Variants in SMN1 observed in about 807,000 individuals in gnomAD.
SMN1 encodes survival of motor neuron 1, telomeric, also known as survival motor neuron protein.
For synonymous variants in SMN1, 3 were observed against 5.1 expected (o/e 0.58, Z 0.56); for missense variants, 15 against 17.1 (o/e 0.88, Z 0.22).
chr5:70,955,212 C>A (rs1444462481), downstream of SMN1, among the ~76,000 whole-genome samples: 2 of 138,064 alleles, frequency 1.4e-5, no homozygotes, highest in African/African-American at 5.7e-5. Context: ...GAGACCCTGT[C>A]TCAAAAAAAA....
the SMN1 span, among the ~76,000 whole-genome samples, chr5:70,959,406 TAATAA>T: frequency 1.1e-3 from 159 of 143,574 alleles, 5 homozygotes; most frequent in South Asian, 0.017. Context: ...TAAAGTATAA[TAATAA>T]AATAAAATAA....
chr5:70,953,462 ATT>A (rs1277128598), downstream of SMN1: 4 of 39,568 alleles, frequency 1.0e-4, no homozygotes, highest in African/African-American at 2.2e-4. Flanking sequence ...CGGCCTCTCT[ATT>A]TATTTCTATA....
intron 7 of SMN1, 147 bp from the exon 8 acceptor site, chr5:70,951,794 C>G (rs575416424): frequency 3.2e-6 from 2 of 618,280 alleles, no homozygotes; most frequent in African/African-American, 3.7e-5. Flanking sequence ...AGACTATCAA[C>G]TTAATTTCTG....
downstream of SMN1, among the ~76,000 whole-genome samples, chr5:70,955,081 T>A (rs1749869688): frequency 2.1e-5 from 3 of 140,158 alleles, no homozygotes; most frequent in Non-Finnish European, 4.6e-5. Flanking sequence ...GGCATGGTGG[T>A]GCATGCCTGT....
chr5:70,957,595 T>G (rs989586380), downstream of SMN1, among the ~76,000 whole-genome samples: 9 of 143,570 alleles, frequency 6.3e-5, no homozygotes, highest in African/African-American at 2.3e-4. Context: ...TTGTCTTTGG[T>G]TCTGTTTATA....
At chr5:70,943,574 A>G (rs1749453525) in intron 5 of SMN1, among the ~76,000 whole-genome samples, 1 of 63,836 alleles carries the variant, frequency 1.6e-5, no homozygotes, top group African/African-American at 4.8e-5. Context: ...TACATCTAAT[A>G]TAGATAAAAT....
intron 1 of SMN1, among the ~76,000 whole-genome samples, chr5:70,927,812 T>C (rs1229069101): frequency 1.9e-3 from 3 of 1,542 alleles, no homozygotes. Flanking sequence ...ATACAAAAAT[T>C]AGCCGGGCAT....
Position 70,952,188 on chromosome 5 carries a change from C to A in SMN1, c.*3+194C>A, listed in dbSNP as rs1749785488. On this transcript the variant is annotated intron_variant, in intron 8 of 8. Transcript: ENST00000380707. ...GTTAATCTACATCCCTACTAGAATT[C>A]TCATACTTAACTGGTTGGTTATGTG... 8 of 1,486,530 alleles carry A rather than the reference C, an allele frequency of 5.4e-6. No individual in the cohort carries two copies. The East Asian group carries it at 2.0e-4, about 37-fold the overall frequency. 92.1% of individuals were successfully genotyped at this position (1,486,530 alleles called of 1,614,324 possible).
chr5:70,952,113 T>C, intron 8 of SMN1, 119 bp downstream of exon 8: 1 of 1,551,120 alleles, frequency 6.4e-7, no homozygotes, highest in Admixed American at 2.0e-5. Context: ...AAGGTTAATG[T>C]AAAACAATCA....
downstream of SMN1, among the ~76,000 whole-genome samples, chr5:70,955,889 ATAAGTG>A (rs1749893968): frequency 7.8e-6 from 1 of 128,256 alleles, no homozygotes; most frequent in Non-Finnish European, 1.7e-5. Context: ...TCTTCAATAG[ATAAGTG>A]CTTTTCTGTC....
At chr5:70,954,760 G>A (rs1749855020), downstream of SMN1, among the ~76,000 whole-genome samples, 2 of 49,192 alleles carry the variant, frequency 4.1e-5, no homozygotes, top group Non-Finnish European at 9.7e-5. Flanking sequence ...GGCTGAGGCA[G>A]GAGAATTGCT....
Position 70,951,893 on chromosome 5 carries a change from C to T in SMN1, c.835-48C>T, listed in dbSNP as rs752894183. On this transcript the variant is annotated intron_variant, in intron 7 of 8. Transcript: ENST00000380707. ...TATAAAGCTATCTATATATAGCTAT[C>T]TATGTCTATATAGCTATTTTTTTTA... 87 of 1,509,238 alleles carry T rather than the reference C, an allele frequency of 5.8e-5. 1 individual carries two copies. The highest frequency in any genetic ancestry group is 5.1e-4 in the Middle Eastern group (3 of 5,870). The allele number at this position is 1,509,238 out of a possible 1,614,324, so 93.5% of individuals were successfully genotyped here.
At chr5:70,958,777 A>G (rs1462353841), downstream of SMN1, among the ~76,000 whole-genome samples, 1 of 148,522 alleles carries the variant, frequency 6.7e-6, no homozygotes, top group African/African-American at 2.5e-5. Flanking sequence ...GTGCTGAAAA[A>G]AATGTATATT....
intron 5 of SMN1, among the ~76,000 whole-genome samples, chr5:70,943,557 CATT>C (rs1374877896): frequency 3.4e-5 from 2 of 58,240 alleles, no homozygotes; most frequent in African/African-American, 1.1e-4. Flanking sequence ...AATAAGAACA[CATT>C]ATTTACATCT....
At chr5:70,955,061 G>A, downstream of SMN1, among the ~76,000 whole-genome samples, 1 of 140,548 alleles carries the variant, frequency 7.1e-6, no homozygotes, top group East Asian at 2.1e-4. Context: ...AAAAATGAAA[G>A]AATTAGCAAG....
the SMN1 span, among the ~76,000 whole-genome samples, chr5:70,960,427 GT>G: frequency 2.0e-5 from 3 of 148,856 alleles, no homozygotes; most frequent in African/African-American, 7.4e-5. Context: ...ACAGTGCTCA[GT>G]TTTTTGTGTA....
At chr5:70,954,900 AAAC>A (rs2112837610), downstream of SMN1, among the ~76,000 whole-genome samples, 2 of 16,592 alleles carry the variant, frequency 1.2e-4, 1 homozygote, top group Non-Finnish European at 2.3e-4. Flanking sequence ...AAAAAAAAAA[AAAC>A]AAAACACGTT....
chr5:70,951,353 A>G (rs1749721808), intron 7 of SMN1, among the ~76,000 whole-genome samples: 1 of 151,644 alleles, frequency 6.6e-6, no homozygotes, highest in Non-Finnish European at 1.5e-5. Context: ...AGCTCACTGC[A>G]GCCTCCGCCT....
At chr5:70,928,300 C>CAA (rs1255859772) in intron 1 of SMN1, among the ~76,000 whole-genome samples, 5 of 9,076 alleles carry the variant, frequency 5.5e-4, no homozygotes, top group South Asian at 5.6e-3. Flanking sequence ...GACTCTGCCT[C>CAA]AAAAAAAAAA....
Sources: allele counts gnomAD v4.1 joint callset (sites outside exome capture counted in the v4.1 genomes callset), GRCh38; gene constraint gnomAD v4.1.1; transcripts MANE v1.5; gene names NCBI Gene and HGNC (gene_info 2026-07-23, HGNC 2026-07-21).